The following SBSPON variants were observed in gnomAD, a reference collection of about 807,000 sequenced individuals.
The protein encoded by SBSPON is somatomedin B and thrombospondin type 1 domain containing.
Under a neutral mutation model 35.8 loss-of-function variants are expected in SBSPON, and 30 were observed. The ratio of observed to expected loss-of-function variants is 0.84; its 90% confidence interval spans 0.63 to 1.14. The LOEUF is 1.14. Ranked by LOEUF, SBSPON falls within the 50% of genes most tolerant of loss-of-function variation. The pLI is 0.00. For synonymous variants in SBSPON, 136 were observed against 135.9 expected, an observed-to-expected ratio of 1.00 and a Z score of 0.00; for missense variants, 364 against 357.7, an observed-to-expected ratio of 1.02 and a Z score of -0.14.
rs1053926052 is a variant in SBSPON, at chr8:73,092,953, G to C, written c.115C>G (p.Arg39Gly). ...TAGACCCTGTCCAGCCTCCAGCCGCGGGCGAAGCAGGCGGGGTCCCGGCCG... is the reference window on the plus strand; with the variant it reads ...TAGACCCTGTCCAGCCTCCAGCCGCCGGCGAAGCAGGCGGGGTCCCGGCCG... The part of the protein sequence containing the change: ...CPGRDPACFA[R>G]GWRLDRVYGT... The change falls in exon 1 of 5, where the codon CGC becomes GGC. Residue 39 changes from arginine to glycine, a missense_variant. Physicochemically the swap from Arg to Gly is moderately radical, Grantham distance 125 (BLOSUM62 -2). Transcript: ENST00000297354. 1 of 1,603,478 alleles carries C rather than the reference G, an allele frequency of 6.2e-7. No homozygotes were observed. Among genetic ancestry groups the C allele is most frequent in the Non-Finnish European group, 8.5e-7 (1 of 1,176,628 alleles).
chr8:73,071,499 C>T (rs891037714), intron 3 of SBSPON, among the ~76,000 whole-genome samples: 1 of 152,114 alleles, frequency 6.6e-6, no homozygotes, highest in Non-Finnish European at 1.5e-5. Context: ...AGAGAAGCAT[C>T]CTTAGTATGA....
chr8:73,069,992 A>G lies in SBSPON; in HGVS notation c.501-11T>C. The G allele has an allele frequency of 6.6e-7, 1 of 1,524,014 alleles. No homozygotes were observed. The highest frequency in any genetic ancestry group is 8.9e-7 in the Non-Finnish European group (1 of 1,126,528). The allele number at this position is 1,524,014 out of a possible 1,614,324, so 94.4% of individuals were successfully genotyped here. ...AACTCCATACAGTATCTACAGCAAA[A>G]GAAGTAACAATGACACTTGCTGTAA... On this transcript the variant is annotated splice_polypyrimidine_tract_variant and intron_variant, in intron 3 of 4. Transcript: ENST00000297354.
At chr8:73,086,541 A>T (rs1810829800) in intron 1 of SBSPON, among the ~76,000 whole-genome samples, 1 of 152,220 alleles carries the variant, frequency 6.6e-6, no homozygotes, top group African/African-American at 2.4e-5. Context: ...GCCAAATGAG[A>T]CTACATTCCC....
chr8:73,081,245 A>G, intron 1 of SBSPON, 32 bp from the exon 2 acceptor site: 1 of 1,509,264 alleles, frequency 6.6e-7, no homozygotes, highest in Non-Finnish European at 8.9e-7. Flanking sequence ...CGCTCACCTG[A>G]GTAAATCCCG....
At chr8:73,078,971 C>A (rs756669376) in intron 2 of SBSPON, among the ~76,000 whole-genome samples, 1 of 152,120 alleles carries the variant, frequency 6.6e-6, no homozygotes, top group Non-Finnish European at 1.5e-5. Context: ...CTTTGCCAAT[C>A]GCATGCAGGC....
intron 3 of SBSPON, among the ~76,000 whole-genome samples, chr8:73,070,657 T>C (rs1300180477): frequency 6.6e-6 from 1 of 152,210 alleles, no homozygotes; most frequent in Non-Finnish European, 1.5e-5. Context: ...TCTAACATTA[T>C]ATGTGACTGG....
intron 1 of SBSPON, among the ~76,000 whole-genome samples, chr8:73,091,150 G>A (rs1349712685): frequency 1.3e-5 from 2 of 152,180 alleles, no homozygotes; most frequent in African/African-American, 4.8e-5. Flanking sequence ...GCACAAGCAG[G>A]TGATGCCCAC....
chr8:73,087,601 G>A (rs894197546), intron 1 of SBSPON, among the ~76,000 whole-genome samples: 12 of 152,072 alleles, frequency 7.9e-5, no homozygotes, highest in Non-Finnish European at 1.3e-4. Flanking sequence ...CTAAATCATC[G>A]TAGACTCTGG....
Position 73,093,157 on chromosome 8 carries a change from G to A in SBSPON, c.-90C>T. ...TGGCCGCGGCCCGGGAGCTGCCCGA[G>A]CGGCCGGCGAGGCACAGCCGGGCCC... is the stretch of plus-strand genomic sequence containing the variant. On this transcript the variant is annotated 5_prime_UTR_variant, in exon 1 of 5. Transcript: ENST00000297354. 3.2e-6 allele frequency: 2 copies of A among 632,296 alleles called. No homozygotes were observed. The highest frequency in any genetic ancestry group is 1.5e-4 in the South Asian group (2 of 13,498). 39.2% of individuals were successfully genotyped at this position (632,296 alleles called of 1,614,324 possible).
At chr8:73,069,056 T>C (rs1277723405) in intron 4 of SBSPON, among the ~76,000 whole-genome samples, 1 of 152,166 alleles carries the variant, frequency 6.6e-6, no homozygotes, top group Non-Finnish European at 1.5e-5. Context: ...AAGTCAAAAA[T>C]ATCTACTCTC....
chr8:73,092,788 G>A, intron 1 of SBSPON, 66 bp downstream of exon 1: 3 of 1,308,368 alleles, frequency 2.3e-6, no homozygotes, highest in Non-Finnish European at 3.3e-6. Flanking sequence ...TTGGCACAGC[G>A]CCCTGCCCTG....
chr8:73,067,101 G>T lies in SBSPON; in HGVS notation c.*240C>A. The T allele has an allele frequency of 2.8e-6, 1 of 356,548 alleles. No individual in the cohort carries two copies. Among genetic ancestry groups the T allele is most frequent in the Non-Finnish European group, 5.2e-6 (1 of 193,374 alleles). The allele number at this position is 356,548 out of a possible 1,614,324, so 22.1% of individuals were successfully genotyped here. A position where few individuals can be genotyped will look rare whatever the true frequency, so the allele number is the denominator to read the frequency against. On this transcript the variant is annotated 3_prime_UTR_variant, in exon 5 of 5. Coordinates refer to ENST00000297354, the MANE Select transcript of SBSPON (RefSeq NM_153225.4). ...CCTGCTGAATGAGAGGACTCCAGTTGAAAGGTCAAGAACATAAAACCACAA... is the reference window on the plus strand; with the variant it reads ...CCTGCTGAATGAGAGGACTCCAGTTTAAAGGTCAAGAACATAAAACCACAA...
At chr8:73,077,417 A>T (rs180839336) in intron 2 of SBSPON, among the ~76,000 whole-genome samples, 1 of 152,380 alleles carries the variant, frequency 6.6e-6, no homozygotes, top group African/African-American at 2.4e-5. Context: ...AGGCAGTAAC[A>T]GGGACACAGG....
chr8:73,067,215 A>C lies in SBSPON; in HGVS notation c.*126T>G. ...ACTGGCCCCTAAATTTTCTTTCTCTACTTCAGAGTGTGGCAATGATGTGTT... is the reference window on the plus strand; with the variant it reads ...ACTGGCCCCTAAATTTTCTTTCTCTCCTTCAGAGTGTGGCAATGATGTGTT... On this transcript the variant is annotated 3_prime_UTR_variant, in exon 5 of 5. Coordinates refer to ENST00000297354, the MANE Select transcript of SBSPON (RefSeq NM_153225.4). 1.7e-6 allele frequency: 1 copy of C among 579,098 alleles called. No homozygotes were observed. Among genetic ancestry groups the C allele is most frequent in the Non-Finnish European group, 3.1e-6 (1 of 319,702 alleles). 35.9% of individuals were successfully genotyped at this position (579,098 alleles called of 1,614,324 possible).
Position 73,067,328 on chromosome 8 carries a change from T to C in SBSPON, c.*13A>G, listed in dbSNP as rs922783249. 2 of 1,305,690 alleles carry C rather than the reference T, an allele frequency of 1.5e-6. No homozygotes were observed. The highest frequency in any genetic ancestry group is 1.5e-5 in the African/African-American group (1 of 68,952). The allele number at this position is 1,305,690 out of a possible 1,614,324, so 80.9% of individuals were successfully genotyped here. A position where few individuals can be genotyped will look rare whatever the true frequency, so the allele number is the denominator to read the frequency against. On this transcript the variant is annotated 3_prime_UTR_variant, in exon 5 of 5. Transcript: ENST00000297354. ...ATGTTTACAAATGCATTTGGAAATATTTATATCACCATCTATATAAAAATA... is the reference window on the plus strand; with the variant it reads ...ATGTTTACAAATGCATTTGGAAATACTTATATCACCATCTATATAAAAATA...
chr8:73,086,452 G>A (rs1028757858), intron 1 of SBSPON, among the ~76,000 whole-genome samples: 1 of 152,066 alleles, frequency 6.6e-6, no homozygotes, highest in Non-Finnish European at 1.5e-5. Flanking sequence ...ATGAGCCACC[G>A]TGCCCGGCCA....
intron 2 of SBSPON, among the ~76,000 whole-genome samples, chr8:73,073,327 T>TA (rs1211789896): frequency 6.6e-6 from 1 of 152,198 alleles, no homozygotes; most frequent in Non-Finnish European, 1.5e-5. Context: ...TACAAGCTGA[T>TA]ATCAACTTAT....
Position 73,067,453 on chromosome 8 carries a change from T to C in SBSPON, c.683A>G (p.Gln228Arg). The change falls in exon 5 of 5, where the codon CAG (glutamine) becomes CGG (arginine). Residue 228 changes from glutamine (Q) to arginine (R), a missense_variant. Gln to Arg is a conservative substitution (Grantham distance 43). Transcript: ENST00000297354. ...SGDGLDSDGNQTLHWQAIGNP... is the reference protein window; with the variant it reads ...SGDGLDSDGNRTLHWQAIGNP... ...ACCAATTGCTTGCCAATGGAGAGTC[T>C]GATTTCTGAAACGATATTTCGAAAG... The C allele has an allele frequency of 6.3e-7, 1 of 1,589,974 alleles. No homozygotes were observed. The highest frequency in any genetic ancestry group is 1.1e-5 in the South Asian group (1 of 90,538).
At chr8:73,071,963 A>G in intron 2 of SBSPON, 93 bp from the exon 3 acceptor site, 2 of 747,522 alleles carry the variant, frequency 2.7e-6, no homozygotes, top group South Asian at 1.5e-5. Flanking sequence ...AAGGGTCTCC[A>G]TTCCTAAACT....
Sources: gnomAD v4.1 joint callset for allele counts (sites outside exome capture counted in the v4.1 genomes callset) on GRCh38, gnomAD v4.1.1 for gene constraint, MANE v1.5 for transcripts, NCBI Gene and HGNC (gene_info 2026-07-23, HGNC 2026-07-21) for gene names.